BRWD3: variants seen among roughly 807,000 people sequenced by gnomAD.
The protein encoded by BRWD3 is bromodomain and WD repeat domain containing 3.
Under a neutral mutation model 149.7 loss-of-function variants are expected in BRWD3, and 10 were observed. The observed-to-expected ratio is 0.07, with a 90% CI of 0.04 to 0.11. BRWD3 has a LOEUF of 0.11. Among genes scored for constraint, BRWD3 ranks in the 10% least tolerant of loss-of-function variants. The pLI, the probability that BRWD3 is intolerant of heterozygous loss-of-function variation, is 1.00. For synonymous variants in BRWD3, 504 were observed against 456.7 expected (o/e 1.10, Z -1.32); for missense variants, 940 against 1,373.2 (o/e 0.68, Z 4.99).
At chrX:80,767,911 G>T (rs1227740004) in intron 6 of BRWD3, among the ~76,000 whole-genome samples, 2 of 111,957 alleles carry the variant, frequency 1.8e-5, no homozygotes, top group Non-Finnish European at 3.8e-5. Context: ...GAAAACCATG[G>T]CATGAGAACT....
chrX:80,676,457 G>T lies in BRWD3; in HGVS notation c.*152C>A. 1 of 706,727 alleles carries T rather than the reference G, an allele frequency of 1.4e-6. No individual in the cohort carries two copies. Among genetic ancestry groups the T allele is most frequent in the Non-Finnish European group, 2.1e-6 (1 of 480,734 alleles). The allele number at this position is 706,727 out of a possible 1,213,427, so 58.2% of individuals were successfully genotyped here. ...AACAAATGAAGTGTGGAGATCAAAA[G>T]TCTTGAAACAAATGTATACTGGCAT... On this transcript the variant is annotated 3_prime_UTR_variant, in exon 41 of 41. Transcript: ENST00000373275.
At chrX:80,747,517 C>A (rs866316674) in intron 6 of BRWD3, among the ~76,000 whole-genome samples, 1 of 107,556 alleles carries the variant, frequency 9.3e-6, no homozygotes, top group Non-Finnish European at 1.9e-5. Flanking sequence ...AAAAAAAAAA[C>A]AAAACAGAAA....
At chrX:80,800,995 G>A (rs2074288344) in intron 4 of BRWD3, among the ~76,000 whole-genome samples, 1 of 110,253 alleles carries the variant, frequency 9.1e-6, no homozygotes, top group South Asian at 3.9e-4. Context: ...GAGGGCAGAT[G>A]AAATTAAGAC....
intron 6 of BRWD3, among the ~76,000 whole-genome samples, chrX:80,773,430 C>A (rs1291722727): frequency 9.0e-6 from 1 of 111,564 alleles, no homozygotes; most frequent in Admixed American, 9.6e-5. Flanking sequence ...TTCATGAAAT[C>A]TTTCTCAATC....
At chrX:80,766,262 G>A (rs1005433323) in intron 6 of BRWD3, among the ~76,000 whole-genome samples, 1 of 111,355 alleles carries the variant, frequency 9.0e-6, no homozygotes, top group East Asian at 2.8e-4. Flanking sequence ...TACACCATCA[G>A]CTTTAATGAT....
rs377485315 is a variant in BRWD3 at position 80,736,105 on chromosome X, T to C, written c.814-17A>G. Reference sequence around the variant, plus strand: ...TGGACAAAACTTAAAAAAAAAAAAATCTGATTCAAATAAAAAGTTTTCATG... The same window carrying C: ...TGGACAAAACTTAAAAAAAAAAAAACCTGATTCAAATAAAAAGTTTTCATG... On this transcript the variant is annotated splice_polypyrimidine_tract_variant and intron_variant, in intron 8 of 40. Coordinates refer to ENST00000373275, the MANE Select transcript of BRWD3 (RefSeq NM_153252.5). 1.7e-4 allele frequency: 166 copies of C among 952,119 alleles called. No homozygotes were observed. Among genetic ancestry groups the C allele is most frequent in the Non-Finnish European group, 2.3e-4 (156 of 674,694 alleles). The allele number at this position is 952,119 out of a possible 1,213,427, so 78.5% of individuals were successfully genotyped here. A position where few individuals can be genotyped will look rare whatever the true frequency, so the allele number is the denominator to read the frequency against.
chrX:80,808,447 G>T, intron 4 of BRWD3, 92 bp downstream of exon 4: 1 of 702,793 alleles, frequency 1.4e-6, no homozygotes, highest in South Asian at 2.3e-5. Context: ...CTAGAACCTC[G>T]TCGGCTGAGA....
chrX:80,755,641 G>A (rs2073728518), intron 6 of BRWD3, among the ~76,000 whole-genome samples: 1 of 111,158 alleles, frequency 9.0e-6, no homozygotes, highest in African/African-American at 3.3e-5. Context: ...TCTATCCTGG[G>A]GACATAACTG....
intron 6 of BRWD3, among the ~76,000 whole-genome samples, chrX:80,750,957 AT>A (rs1362511795): frequency 4.5e-5 from 5 of 111,436 alleles, no homozygotes; most frequent in Middle Eastern, 4.6e-3. Flanking sequence ...AACAACTTGG[AT>A]GAAATTAGAA....
intron 40 of BRWD3, among the ~76,000 whole-genome samples, chrX:80,678,075 CT>C (rs1386043883): frequency 1.8e-5 from 2 of 111,368 alleles, no homozygotes; most frequent in Non-Finnish European, 3.8e-5. Flanking sequence ...CTGATTTACA[CT>C]TTTAAAATAG....
chrX:80,741,151 C>T (rs1445270333), intron 8 of BRWD3, among the ~76,000 whole-genome samples: 1 of 109,977 alleles, frequency 9.1e-6, no homozygotes, highest in African/African-American at 3.3e-5. Flanking sequence ...TGAGTGAGAA[C>T]ATGCGGTGTT....
At chrX:80,721,494 TAGC>T (rs36106648) in intron 17 of BRWD3, among the ~76,000 whole-genome samples, 13,758 of 110,889 alleles carry the variant, frequency 0.12, 716 homozygotes, top group South Asian at 0.42. Flanking sequence ...CTTAATTCCC[TAGC>T]AATGATATGA....
At chrX:80,778,270 A>G (rs2074019685) in intron 6 of BRWD3, among the ~76,000 whole-genome samples, 1 of 111,899 alleles carries the variant, frequency 8.9e-6, no homozygotes, top group Admixed American at 9.5e-5. Context: ...TATTACCAAA[A>G]TAATGTTCAA....
chrX:80,760,542 T>C (rs2073791672), intron 6 of BRWD3, among the ~76,000 whole-genome samples: 1 of 112,057 alleles, frequency 8.9e-6, no homozygotes, highest in Admixed American at 9.5e-5. Context: ...CCATTTGAAG[T>C]GTATGATAGT....
chrX:80,772,418 T>C (rs1198607569), intron 6 of BRWD3, among the ~76,000 whole-genome samples: 1 of 110,542 alleles, frequency 9.0e-6, no homozygotes, highest in East Asian at 2.9e-4. Context: ...AATTGAACAA[T>C]GAGAACACCT....
chrX:80,808,772 G>A (rs1292816470), intron 3 of BRWD3, among the ~76,000 whole-genome samples, 174 bp from the exon 4 acceptor site: 1 of 86,690 alleles, frequency 1.2e-5, no homozygotes, highest in Non-Finnish European at 2.3e-5. Context: ...GGGGGGGGGG[G>A]GAAGGGGGGT....
chrX:80,736,709 T>A (rs1205306276), intron 8 of BRWD3, among the ~76,000 whole-genome samples: 1 of 110,625 alleles, frequency 9.0e-6, no homozygotes, highest in Non-Finnish European at 1.9e-5. Flanking sequence ...AAAAAAAAAG[T>A]TGTCAATACA....
intron 24 of BRWD3, among the ~76,000 whole-genome samples, chrX:80,701,535 C>T (rs1223996834): frequency 1.2e-4 from 7 of 57,785 alleles, no homozygotes; most frequent in Admixed American, 3.4e-4. Context: ...GGCAACAGAG[C>T]GAGACTCGTC....
At position 80,679,253 on chromosome X, in the gene BRWD3, T is replaced by TG. The variant is rs1402049648; in HGVS notation, c.4655-1891_4655-1890insC. 8.1e-5 allele frequency among the ~76,000 whole-genome samples: 9 copies of TG among 111,657 alleles called. No individual in the cohort carries two copies. In the Admixed American group the frequency reaches 8.6e-4, roughly 11 times the overall value. On this transcript the variant is annotated intron_variant, in intron 40 of 40. Transcript: ENST00000373275. ...AACTATATAGAAGATTTAAGTGGTA[T>TG]TAAAGAGTTGTGGAATCCACAAAAC...
Sources: gnomAD v4.1 joint callset for allele counts (sites outside exome capture counted in the v4.1 genomes callset) on GRCh38, gnomAD v4.1.1 for gene constraint, MANE v1.5 for transcripts, NCBI Gene and HGNC (gene_info 2026-07-23, HGNC 2026-07-21) for gene names.